Variants in RYR3 observed in about 807,000 individuals in gnomAD.
The protein encoded by RYR3 is ryanodine receptor 3.
A neutral mutation model predicts 584.3 loss-of-function variants in RYR3; 207 were observed. The observed-to-expected ratio is 0.35, with a 90% CI of 0.32 to 0.40. RYR3 has a LOEUF of 0.40. RYR3 is among the 10% of genes least tolerant of loss of function. The pLI, the probability that RYR3 is intolerant of heterozygous loss-of-function variation, is 1.00. For missense variants in RYR3, 5,616 were observed against 6,089.2 expected, an observed-to-expected ratio of 0.92 and a Z score of 2.59; for synonymous variants, 2,416 against 2,248.5, an observed-to-expected ratio of 1.07 and a Z score of -2.11.
chr15:33,609,845 A>G (rs181293759), intron 18 of RYR3, among the ~76,000 whole-genome samples: 49 of 152,322 alleles, frequency 3.2e-4, no homozygotes, highest in Admixed American at 1.0e-3. Flanking sequence ...TTGGGTATCT[A>G]AACTCCATAC....
chr15:33,573,483 G>C (rs2058140482), intron 12 of RYR3, among the ~76,000 whole-genome samples: 1 of 152,194 alleles, frequency 6.6e-6, no homozygotes, highest in Non-Finnish European at 1.5e-5. Flanking sequence ...ATCATCCTCT[G>C]TAGAGTTGCT....
chr15:33,564,777 C>G (rs115901970), intron 11 of RYR3, among the ~76,000 whole-genome samples: 167 of 152,190 alleles, frequency 1.1e-3, no homozygotes, highest in Admixed American at 2.9e-3. Flanking sequence ...GACCATAGCC[C>G]GCAGATTCAT....
chr15:33,640,513 A>G (rs907989767), intron 27 of RYR3, among the ~76,000 whole-genome samples: 2 of 152,148 alleles, frequency 1.3e-5, no homozygotes, highest in Admixed American at 6.5e-5. Context: ...GCTGGTAGCT[A>G]TTCTCTTTTA....
rs897609657 is a variant in RYR3, at chr15:33,584,415, A to G, written c.1594A>G (p.Arg532Gly). ...KLLAALIRGN[R>G]NNCAQFSNNL... Reference sequence around the variant, plus strand: ...TGCAGCTGCTCTCATTCGCGGAAACAGAAACAATTGCGCTCAATTCTCCAA... The same window carrying G: ...TGCAGCTGCTCTCATTCGCGGAAACGGAAACAATTGCGCTCAATTCTCCAA... The change falls in exon 15 of 104, where the codon AGA (arginine) becomes GGA (glycine). Residue 532 changes from arginine (R) to glycine (G), a missense_variant. By Grantham distance (125) the Arg-to-Gly change is moderately radical (BLOSUM62 -2). Around this residue, in one of 9 missense-constraint regions of RYR3, gnomAD observed 1,284 missense variants for 1,344.6 expected, o/e 0.95. Transcript: ENST00000634891. The G allele has an allele frequency of 1.2e-6, 2 of 1,606,818 alleles. No individual in the cohort carries two copies. The highest frequency in any genetic ancestry group is 1.7e-6 in the Non-Finnish European group (2 of 1,174,428).
chr15:33,584,051 C>T (rs1208477487), intron 14 of RYR3, among the ~76,000 whole-genome samples: 2 of 151,510 alleles, frequency 1.3e-5, no homozygotes, highest in African/African-American at 4.9e-5. Flanking sequence ...AAAACTCCAT[C>T]TCAAAAAACA....
chr15:33,574,714 G>A (rs985056803), intron 12 of RYR3, among the ~76,000 whole-genome samples: 1 of 152,194 alleles, frequency 6.6e-6, no homozygotes, highest in Non-Finnish European at 1.5e-5. Flanking sequence ...CATGTATGCA[G>A]ATTAATATTT....
intron 28 of RYR3, among the ~76,000 whole-genome samples, chr15:33,645,238 T>A (rs2062035702): frequency 6.6e-6 from 1 of 152,168 alleles, no homozygotes. Flanking sequence ...GTAAGGAGCC[T>A]AACTTTAGTT....
intron 3 of RYR3, among the ~76,000 whole-genome samples, chr15:33,529,081 T>TCTAATTTTAACATAG (rs2054628150): frequency 2.0e-5 from 3 of 152,226 alleles, no homozygotes; most frequent in Admixed American, 2.0e-4. Context: ...ATTTGGTATG[T>TCTAATTTTAACATAG]CTAATTTTAA....
Position 33,635,737 on chromosome 15 carries a change from G to C in RYR3, c.3299G>C (p.Arg1100Pro), listed in dbSNP as rs1566835895. The change falls in exon 26 of 104, where the codon CGA becomes CCA. Residue 1100 changes from arginine (R) to proline (P), a missense_variant. This residue lies in a region of RYR3 where 152 missense variants were observed against 200.9 expected (regional missense o/e 0.76). Coordinates refer to ENST00000634891, the MANE Select transcript of RYR3 (RefSeq NM_001036.6). ...EFEVVTGGDM[R>P]VGWARPGCRP... ...GAAGTGGTGACTGGAGGAGACATGC[G>C]AGTCGGCTGGGCGAGGCCAGGCTGT... 2 of 1,613,950 alleles carry C rather than the reference G, an allele frequency of 1.2e-6. No individual in the cohort carries two copies. The highest frequency in any genetic ancestry group is 1.7e-6 in the Non-Finnish European group (2 of 1,179,874).
In RYR3 at chr15:33,601,306, A is replaced by G; in HGVS notation, c.1789-113A>G. On this transcript the variant is annotated intron_variant, in intron 16 of 103. Coordinates refer to ENST00000634891, the MANE Select transcript of RYR3 (RefSeq NM_001036.6). ...TTCCTTGGCTCTGAGCTGGCTCTCTACCCGTCACCTAGCCCCCACCCTTTA... is the reference window on the plus strand; with the variant it reads ...TTCCTTGGCTCTGAGCTGGCTCTCTGCCCGTCACCTAGCCCCCACCCTTTA... 3 of 1,070,720 alleles carry G rather than the reference A, an allele frequency of 2.8e-6. No individual in the cohort carries two copies. The South Asian group carries it at 4.7e-5, about 17-fold the overall frequency. 66.3% of individuals were successfully genotyped at this position (1,070,720 alleles called of 1,614,324 possible).
chr15:33,591,062 T>A (rs1258550576), intron 16 of RYR3, among the ~76,000 whole-genome samples: 1 of 152,210 alleles, frequency 6.6e-6, no homozygotes, highest in Admixed American at 6.5e-5. Flanking sequence ...CCATATTTTC[T>A]GAATGCACTT....
At chr15:33,703,502 C>G (rs908402157) in intron 42 of RYR3, among the ~76,000 whole-genome samples, 1 of 152,184 alleles carries the variant, frequency 6.6e-6, no homozygotes. Context: ...TCTTTGTGTG[C>G]ACGTATCCTT....
chr15:33,474,327 C>A (rs896330261), intron 2 of RYR3, among the ~76,000 whole-genome samples: 5 of 152,138 alleles, frequency 3.3e-5, no homozygotes, highest in African/African-American at 1.2e-4. Flanking sequence ...ATAGAGATTT[C>A]TTTTAAGAAA....
chr15:33,515,429 C>T (rs1567420768), intron 3 of RYR3, among the ~76,000 whole-genome samples: 1 of 152,218 alleles, frequency 6.6e-6, no homozygotes, highest in Admixed American at 6.5e-5. Context: ...GTGGGAGAAA[C>T]CTTTGTAGGT....
intron 12 of RYR3, 55 bp downstream of exon 12, chr15:33,566,854 A>ACAC (rs1381377598): frequency 1.2e-5 from 19 of 1,594,158 alleles, no homozygotes; most frequent in Non-Finnish European, 1.1e-5. Context: ...TGGCCTGCCA[A>ACAC]CACCACCACC....
At chr15:33,734,384 T>G (rs773517453) in intron 48 of RYR3, among the ~76,000 whole-genome samples, 5 of 152,196 alleles carry the variant, frequency 3.3e-5, no homozygotes, top group Non-Finnish European at 7.3e-5. Flanking sequence ...GCCCCATTAT[T>G]TGTTTTTATG....
At chr15:33,575,179 G>A (rs947902695) in intron 12 of RYR3, among the ~76,000 whole-genome samples, 1 of 142,342 alleles carries the variant, frequency 7.0e-6, no homozygotes, top group African/African-American at 3.0e-5. Context: ...CAATAATAGT[G>A]GGAGACTTTA....
At chr15:33,537,612 C>A (rs998532857) in intron 5 of RYR3, among the ~76,000 whole-genome samples, 2 of 152,260 alleles carry the variant, frequency 1.3e-5, no homozygotes, top group East Asian at 1.9e-4. Context: ...ATTCTGATTT[C>A]TTATCCTTTG....
At chr15:33,661,181 G>T (rs1171865656) in intron 34 of RYR3, among the ~76,000 whole-genome samples, 7 of 152,114 alleles carry the variant, frequency 4.6e-5, no homozygotes, top group Admixed American at 1.3e-4. Context: ...AGTCAATTCT[G>T]CAGGGTCCTC....
Sources: gnomAD v4.1 joint callset for allele counts (sites outside exome capture counted in the v4.1 genomes callset) on GRCh38, gnomAD v4.1.1 for gene constraint, gnomAD v4.1.1 regional missense constraint, MANE v1.5 for transcripts, NCBI Gene and HGNC (gene_info 2026-07-23, HGNC 2026-07-21) for gene names.